ADGRG1: variants seen among roughly 807,000 people sequenced by gnomAD.
ADGRG1 encodes the protein 7-transmembrane protein with no EGF-like N-terminal domains-1.
Under a neutral mutation model 73.5 loss-of-function variants are expected in ADGRG1, and 53 were observed. The observed-to-expected ratio is 0.72, with a 90% CI of 0.58 to 0.91. The LOEUF is 0.91. Ranked by LOEUF, ADGRG1 falls within the 40% of genes least tolerant of loss-of-function variation. ADGRG1 has a pLI of 0.00. For missense variants in ADGRG1, 795 were observed against 871.8 expected (o/e 0.91, Z 1.11); for synonymous variants, 394 against 374.4 (o/e 1.05, Z -0.60).
intron 10 of ADGRG1, among the ~76,000 whole-genome samples, 178 bp downstream of exon 10, chr16:57,657,669 T>C (rs2046080678): frequency 6.6e-6 from 1 of 152,218 alleles, no homozygotes; most frequent in Admixed American, 6.5e-5. Flanking sequence ...CTCAGATCAG[T>C]GGTGTTTGGA....
chr16:57,633,769 C>A (rs889214827), intron 1 of ADGRG1, among the ~76,000 whole-genome samples: 3 of 152,168 alleles, frequency 2.0e-5, no homozygotes, highest in Non-Finnish European at 4.4e-5. Flanking sequence ...CATGACCAAG[C>A]CTTGTTCTTA....
In ADGRG1 at chr16:57,661,969, A is replaced by G; in HGVS notation, c.1933+4A>G. The G allele has an allele frequency of 6.2e-7, 1 of 1,610,644 alleles. No homozygotes were observed. The highest frequency in any genetic ancestry group is 8.5e-7 in the Non-Finnish European group (1 of 1,176,800). On this transcript the variant is annotated splice_donor_region_variant and intron_variant, in intron 13 of 13. Transcript: ENST00000562631. ...AGCATCATCACCTCCTTCCAAGGTA[A>G]GGAGAAGACCCGTCCCTTGGCCCAG...
chr16:57,628,535 C>T (rs76737622), upstream of ADGRG1: 2,709 of 985,506 alleles, frequency 2.7e-3, 34 homozygotes, highest in African/African-American at 0.034. Flanking sequence ...ATATATCGTC[C>T]GTCATCCCCA....
intron 11 of ADGRG1, 30 bp downstream of exon 11, chr16:57,659,711 C>T (rs752838644): frequency 1.3e-5 from 21 of 1,611,598 alleles, no homozygotes; most frequent in Middle Eastern, 3.3e-4. Context: ...GTGCCTCAGA[C>T]CTGCCTCTCC....
At chr16:57,629,129 T>G in intron 1 of ADGRG1, 1 of 977,332 alleles carries the variant, frequency 1.0e-6, no homozygotes, top group Non-Finnish European at 1.2e-6. Context: ...CACGGGTGGC[T>G]GTTGGACAGT....
intron 1 of ADGRG1, chr16:57,645,241 G>C (rs796257676): frequency 1.0e-6 from 1 of 985,458 alleles, no homozygotes. Context: ...GAGCTGGGGG[G>C]GTCTTCCCCT....
At chr16:57,626,367 A>C (rs958058220), upstream of ADGRG1, among the ~76,000 whole-genome samples, 1 of 152,164 alleles carries the variant, frequency 6.6e-6, no homozygotes, top group Admixed American at 6.5e-5. Flanking sequence ...TGTGTTTAAC[A>C]AGTCATTGAA....
At chr16:57,657,304 C>T in intron 9 of ADGRG1, 69 bp from the exon 10 acceptor site, 1 of 1,609,440 alleles carries the variant, frequency 6.2e-7, no homozygotes, top group Non-Finnish European at 8.5e-7. Flanking sequence ...GTTAGCCCCT[C>T]ACGCAGGGCA....
At chr16:57,663,398 A>G in intron 13 of ADGRG1, 54 bp from the exon 14 acceptor site, 2 of 1,567,498 alleles carry the variant, frequency 1.3e-6, no homozygotes, top group South Asian at 2.2e-5. Flanking sequence ...AGGGAGGAGG[A>G]GGGATGGGGT....
chr16:57,651,906 G>A (rs2044197506), intron 3 of ADGRG1: 1 of 1,390,114 alleles, frequency 7.2e-7, no homozygotes, highest in Non-Finnish European at 9.3e-7. Context: ...AGGCTGCAGA[G>A]AAGGTCTTGG....
rs1294405644 is a variant in ADGRG1, at chr16:57,628,895, T to TATGA, written c.-36+93_-36+94insATGA. On this transcript the variant is annotated intron_variant, in intron 1 of 13. Transcript: ENST00000562631. ...GAGCGTGAGTGTGTGAGAGTGTGAG[T>TATGA]GTGTGAGTGTGAGTGTGTGAGAGTG... is the stretch of plus-strand genomic sequence containing the variant. 4.1e-3 allele frequency: 3,422 copies of TATGA among 839,798 alleles called. 121 individuals carry two copies. The African/African-American group carries it at 0.068, about 17-fold the overall frequency. 52.0% of individuals were successfully genotyped at this position (839,798 alleles called of 1,614,324 possible).
At chr16:57,655,620 C>T (rs1271135891) in intron 6 of ADGRG1, 90 bp downstream of exon 6, 33 of 1,599,474 alleles carry the variant, frequency 2.1e-5, no homozygotes, top group Non-Finnish European at 2.6e-5. Context: ...GCTCCTTCCT[C>T]TGGGAGTCAA....
At chr16:57,636,003 G>T (rs1184941492) in intron 1 of ADGRG1, 12 of 985,170 alleles carry the variant, frequency 1.2e-5, no homozygotes, top group Non-Finnish European at 1.4e-5. Flanking sequence ...TAGTCCTCGG[G>T]ACACACCCCA....
chr16:57,650,801 C>T (rs1205757213), intron 2 of ADGRG1, among the ~76,000 whole-genome samples: 3 of 150,130 alleles, frequency 2.0e-5, no homozygotes, highest in African/African-American at 7.4e-5. Flanking sequence ...CTCCGCCTCC[C>T]GGGTTCACGC....
In ADGRG1 at chr16:57,660,894, A is replaced by G. The variant is rs200382186; in HGVS notation, c.1664+18A>G. 3.7e-5 allele frequency: 53 copies of G among 1,414,508 alleles called. No individual in the cohort carries two copies. The African/African-American group carries it at 6.7e-4, about 18-fold the overall frequency. 87.6% of individuals were successfully genotyped at this position (1,414,508 alleles called of 1,614,324 possible). A position where few individuals can be genotyped will look rare whatever the true frequency, so the allele number is the denominator to read the frequency against. On this transcript the variant is annotated intron_variant, in intron 12 of 13. Transcript: ENST00000562631. ...CCTTCCATGTGAGTGGCTGTGTGCA[A>G]TGGGGGCAAGAAGGTGGGTCTCTGG...
At chr16:57,631,549 T>G (rs13339601) in intron 1 of ADGRG1, 612,223 of 985,412 alleles carry the variant, frequency 0.62, 192,461 homozygotes, top group African/African-American at 0.88. Flanking sequence ...TGGAGCTTGA[T>G]CAGGGCTCAG....
At chr16:57,653,134 G>A (rs2044540818) in intron 3 of ADGRG1, 69 bp from the exon 4 acceptor site, 3 of 1,598,156 alleles carry the variant, frequency 1.9e-6, no homozygotes, top group Admixed American at 1.7e-5. Context: ...GGGTGGTAGG[G>A]GGCAGAATGG....
intron 10 of ADGRG1, among the ~76,000 whole-genome samples, chr16:57,658,710 T>G (rs1317755507): frequency 6.6e-6 from 1 of 152,136 alleles, no homozygotes; most frequent in East Asian, 1.9e-4. Context: ...ACAGGAACCC[T>G]TAGGAACTGA....
intron 1 of ADGRG1, chr16:57,630,345 G>C (rs1567674738): frequency 1.0e-6 from 1 of 984,904 alleles, no homozygotes; most frequent in East Asian, 1.1e-4. Flanking sequence ...GGTGTGGAAT[G>C]AGCTCTTAGG....
Sources: allele counts gnomAD v4.1 joint callset (sites outside exome capture counted in the v4.1 genomes callset), GRCh38; gene constraint gnomAD v4.1.1; transcripts MANE v1.5; gene names NCBI Gene and HGNC (gene_info 2026-07-23, HGNC 2026-07-21).